DHX30: variants seen among roughly 807,000 people sequenced by gnomAD.
DHX30 encodes DExH-box helicase 30.
In DHX30, 4 loss-of-function variants were observed where a neutral mutation model predicts 116.9. That is an observed-to-expected ratio of 0.03 (90% CI 0.02 to 0.08). The LOEUF is 0.08. Among genes scored for constraint, DHX30 ranks in the 10% least tolerant of loss-of-function variants. DHX30 has a pLI of 1.00. For synonymous variants in DHX30, 697 were observed against 651.7 expected (o/e 1.07, Z -1.06); for missense variants, 871 against 1,595.1 (o/e 0.55, Z 7.73).
At chr3:47,828,269 G>A (rs2036637472) in intron 5 of DHX30, among the ~76,000 whole-genome samples, 1 of 151,208 alleles carries the variant, frequency 6.6e-6, no homozygotes, top group East Asian at 2.0e-4. Flanking sequence ...GGACCAGCCT[G>A]GGCAACATAG....
At chr3:47,829,314 A>ATATATTT (rs1177077114) in intron 6 of DHX30, among the ~76,000 whole-genome samples, 180 bp downstream of exon 6, 19 of 34,192 alleles carry the variant, frequency 5.6e-4, no homozygotes, top group Admixed American at 1.9e-3. Flanking sequence ...ATATATATAT[A>ATATATTT]TTTTTTTTTT....
At chr3:47,816,554 C>T in intron 3 of DHX30, 1 of 947,940 alleles carries the variant, frequency 1.1e-6, no homozygotes. Flanking sequence ...GACGGGGTTT[C>T]ACCATGTTGG....
At chr3:47,823,157 T>C (rs1338009842) in intron 4 of DHX30, among the ~76,000 whole-genome samples, 1 of 151,350 alleles carries the variant, frequency 6.6e-6, no homozygotes, top group African/African-American at 2.4e-5. Flanking sequence ...CTATCAGATC[T>C]CTTGAGACTT....
At chr3:47,837,533 C>T (rs1201428363) in intron 6 of DHX30, among the ~76,000 whole-genome samples, 1 of 152,116 alleles carries the variant, frequency 6.6e-6, no homozygotes, top group Non-Finnish European at 1.5e-5. Flanking sequence ...GAGGCTGAGG[C>T]GGGTGGATCA....
intron 2 of DHX30, among the ~76,000 whole-genome samples, chr3:47,809,234 CTTTTTTTTTTTT>C (rs71070231): frequency 1.6e-5 from 1 of 63,500 alleles, no homozygotes; most frequent in African/African-American, 7.8e-5. Context: ...AATGTAACTT[CTTTTTTTTTTTT>C]TTTTTTTTTT....
At chr3:47,830,633 G>C (rs1412892356) in intron 6 of DHX30, 1 of 151,980 alleles carries the variant, frequency 6.6e-6, no homozygotes, top group South Asian at 2.1e-4. Context: ...TTGCTCTGTT[G>C]CCCAGACTGG....
intron 5 of DHX30, among the ~76,000 whole-genome samples, chr3:47,828,112 A>T (rs2036630265): frequency 6.6e-6 from 1 of 151,742 alleles, no homozygotes; most frequent in Non-Finnish European, 1.5e-5. Flanking sequence ...CTCCCTCCTC[A>T]GCCTCCCAAA....
intron 4 of DHX30, among the ~76,000 whole-genome samples, chr3:47,826,476 A>C (rs1576484479): frequency 8.3e-6 from 1 of 120,906 alleles, no homozygotes; most frequent in African/African-American, 3.2e-5. Context: ...ATGGAGTTTC[A>C]CTCTTGTTGC....
At chr3:47,823,423 G>A (rs898104293) in intron 4 of DHX30, among the ~76,000 whole-genome samples, 2 of 151,080 alleles carry the variant, frequency 1.3e-5, no homozygotes, top group Admixed American at 6.6e-5. Context: ...GAGTGCAGTG[G>A]CGCAATCTCG....
intron 4 of DHX30, among the ~76,000 whole-genome samples, chr3:47,821,802 C>T (rs1169148395): frequency 1.0e-4 from 15 of 150,046 alleles, no homozygotes; most frequent in African/African-American, 3.4e-4. Context: ...TTTCACCACA[C>T]TGGCCAGGCT....
chr3:47,821,669 G>T (rs539337900), intron 4 of DHX30, among the ~76,000 whole-genome samples: 1 of 152,136 alleles, frequency 6.6e-6, no homozygotes, highest in East Asian at 1.9e-4. Flanking sequence ...CGCAATGTCG[G>T]CTCACTGCAA....
rs777527629 is a variant in DHX30 at position 47,841,199 on chromosome 3, TGCA to T, written c.668+26_668+28del. On this transcript the variant is annotated intron_variant, in intron 7 of 21. Transcript: ENST00000445061. ...TCAAGGTACAGATGGAGGATGGGGA[TGCA>T]GCAGAGGCTGGCTGTGCCTTGACAC... 2.5e-6 allele frequency: 4 copies of T among 1,610,910 alleles called. No individual in the cohort carries two copies. The Admixed American group carries it at 6.7e-5, about 27-fold the overall frequency.
intron 4 of DHX30, among the ~76,000 whole-genome samples, chr3:47,823,148 T>G (rs917163101): frequency 6.6e-5 from 10 of 151,316 alleles, no homozygotes; most frequent in African/African-American, 2.2e-4. Context: ...CTTATTAATC[T>G]ATCAGATCTC....
chr3:47,812,911 C>G (rs901025672), intron 3 of DHX30, among the ~76,000 whole-genome samples: 1 of 151,806 alleles, frequency 6.6e-6, no homozygotes, highest in Non-Finnish European at 1.5e-5. Flanking sequence ...TGATTTCGCC[C>G]ATCTCGGCCT....
chr3:47,815,723 CAAAAAAAAAAAAAA>C (rs11349970), intron 3 of DHX30, among the ~76,000 whole-genome samples: 3 of 20,758 alleles, frequency 1.4e-4, no homozygotes, highest in African/African-American at 4.3e-4. Context: ...TAAAAAAGAG[CAAAAAAAAAAAAAA>C]AAAAAAAAAA....
At position 47,847,454 on chromosome 3, in the gene DHX30, T is replaced by C. The variant is rs775791538; in HGVS notation, c.2028T>C (p.Pro676=). The C allele has an allele frequency of 1.2e-6, 2 of 1,612,960 alleles. No individual in the cohort carries two copies. Among genetic ancestry groups the C allele is most frequent in the South Asian group, 2.2e-5 (2 of 91,024 alleles). ...CAGGTGGGATCCTGTGCTTCCTGCC[T>C]GGGTGGCAGGAGATCAAAGGAGTGC... ...GEPGGILCFL[P]GWQEIKGVQQ... The change falls in exon 13 of 22, where the codon CCT becomes CCC. Residue 676 remains proline, a synonymous_variant. Transcript: ENST00000445061. This position sits in a 1 kb window ranked among gnomAD's most constrained non-coding sequence, Gnocchi z 5.5.
chr3:47,839,052 A>C (rs1206606050), intron 6 of DHX30, among the ~76,000 whole-genome samples: 1 of 151,142 alleles, frequency 6.6e-6, no homozygotes, highest in Non-Finnish European at 1.5e-5. Context: ...TGCCTCTTAT[A>C]TTCCGAACTG....
intron 3 of DHX30, 37 bp downstream of exon 3, chr3:47,810,748 C>A (rs370146566): frequency 3.1e-6 from 5 of 1,606,816 alleles, no homozygotes; most frequent in African/African-American, 1.3e-5. Flanking sequence ...TCATGCCCTT[C>A]CTTATTGGGA....
At chr3:47,814,434 A>C (rs1389927677) in intron 3 of DHX30, among the ~76,000 whole-genome samples, 2 of 149,582 alleles carry the variant, frequency 1.3e-5, no homozygotes, top group African/African-American at 2.5e-5. Context: ...CAAAACAAAA[A>C]AAAAAAAAAA....
Sources: allele counts gnomAD v4.1 joint callset (sites outside exome capture counted in the v4.1 genomes callset), GRCh38; gene constraint gnomAD v4.1.1; non-coding constraint Gnocchi (gnomAD v3.1); transcripts MANE v1.5; gene names NCBI Gene and HGNC (gene_info 2026-07-23, HGNC 2026-07-21).